RAB28: variants seen among roughly 807,000 people sequenced by gnomAD.
RAB28 encodes the protein RAB28, member RAS oncogene family.
A neutral mutation model predicts 31.7 loss-of-function variants in RAB28; 24 were observed. That is an observed-to-expected ratio of 0.76 (90% CI 0.55 to 1.06). RAB28 has a LOEUF of 1.06. Among genes scored for constraint, RAB28 ranks in the 50% least tolerant of loss-of-function variants. The probability of loss-of-function intolerance (pLI) is 0.00; values close to 1 mark genes in which losing one functional copy is unlikely to be tolerated. For synonymous variants in RAB28, 100 were observed against 90.4 expected, an observed-to-expected ratio of 1.11 and a Z score of -0.60; for missense variants, 254 against 258.5, an observed-to-expected ratio of 0.98 and a Z score of 0.12.
At chr4:13,422,578 G>T (rs560746947) in intron 4 of RAB28, among the ~76,000 whole-genome samples, 1 of 152,216 alleles carries the variant, frequency 6.6e-6, no homozygotes, top group African/African-American at 2.4e-5. Context: ...CCATAAAAAA[G>T]GATGAGTTCA....
In RAB28 at chr4:13,455,024, A is replaced by C. The variant is rs185843997; in HGVS notation, c.391+5675T>G. Among the ~76,000 whole-genome samples, 686 of 152,054 alleles carry C rather than the reference A, an allele frequency of 4.5e-3. 1 individual carries two copies. The highest frequency in any genetic ancestry group is 6.3e-3 in the Non-Finnish European group (426 of 67,966). ...GAATATTGATGGCTAGCCTAGGAGG[A>C]TATTTGGTAGGGGCAGCCCATGGGG... On this transcript the variant is annotated intron_variant, in intron 4 of 6. Transcript: ENST00000330852.
rs1238347422 is a variant in RAB28, at chr4:13,460,727, C to A, written c.363G>T (p.Gln121His). The change falls in exon 4 of 7, where the codon CAG becomes CAT. Residue 121 changes from glutamine (Q) to histidine (H), a missense_variant. Transcript: ENST00000330852. The part of the protein sequence containing the change: ...VKKVSEESET[Q>H]PLVALVGNKI... The stretch of plus-strand genomic sequence containing the variant: ...TATTGCCTACCAAGGCAACCAGTGG[C>A]TGAGTTTCTGACTCCTCGCTCACTT... 1 of 1,613,904 alleles carries A rather than the reference C, an allele frequency of 6.2e-7. No homozygotes were observed. The highest frequency in any genetic ancestry group is 8.5e-7 in the Non-Finnish European group (1 of 1,179,934).
chr4:13,446,035 T>C (rs1046939318), intron 4 of RAB28, among the ~76,000 whole-genome samples: 1 of 152,144 alleles, frequency 6.6e-6, no homozygotes, highest in Non-Finnish European at 1.5e-5. Flanking sequence ...AGCCCCTGAA[T>C]GGAGCTGCTG....
intron 4 of RAB28, among the ~76,000 whole-genome samples, chr4:13,436,924 G>A (rs1714149156): frequency 6.6e-6 from 1 of 151,788 alleles, no homozygotes; most frequent in Non-Finnish European, 1.5e-5. Context: ...TAAGCAAAAA[G>A]AACAACAAAA....
At chr4:13,394,917 G>A (rs1729805422) in intron 4 of RAB28, among the ~76,000 whole-genome samples, 3 of 152,138 alleles carry the variant, frequency 2.0e-5, no homozygotes, top group African/African-American at 7.2e-5. Context: ...ACCCTTTGGG[G>A]CCTCATAACA....
At chr4:13,386,852 C>T (rs1729391338) in intron 4 of RAB28, among the ~76,000 whole-genome samples, 2 of 152,076 alleles carry the variant, frequency 1.3e-5, no homozygotes, top group African/African-American at 4.8e-5. Flanking sequence ...AACCTAAATG[C>T]CTGTCATTGA....
chr4:13,463,652 T>C (rs1715706355), intron 3 of RAB28, among the ~76,000 whole-genome samples: 1 of 149,454 alleles, frequency 6.7e-6, no homozygotes, highest in African/African-American at 2.6e-5. Context: ...TCTTCCAGGA[T>C]TCACAAAAAA....
At chr4:13,389,010 G>A (rs748945680) in intron 4 of RAB28, among the ~76,000 whole-genome samples, 9 of 152,082 alleles carry the variant, frequency 5.9e-5, no homozygotes, top group East Asian at 1.9e-4. Flanking sequence ...GCACATCCAA[G>A]TTTACAACAG....
chr4:13,470,304 A>G lies in RAB28; in HGVS notation c.261+4014T>C, dbSNP rs532241580. On this transcript the variant is annotated intron_variant, in intron 3 of 6. Transcript: ENST00000330852. Reference sequence around the variant, plus strand: ...AGTATAACCCGTAAGAAACACTAACACAAAGAAAGTCTACAAACATAATCA... The same window carrying G: ...AGTATAACCCGTAAGAAACACTAACGCAAAGAAAGTCTACAAACATAATCA... Among the ~76,000 whole-genome samples the G allele has an allele frequency of 4.6e-5, 7 of 152,246 alleles. No homozygotes were observed. The East Asian group carries it at 1.2e-3, about 25-fold the overall frequency.
chr4:13,398,675 G>A (rs888810381), intron 4 of RAB28, among the ~76,000 whole-genome samples: 8 of 151,956 alleles, frequency 5.3e-5, no homozygotes, highest in Non-Finnish European at 1.0e-4. Flanking sequence ...CTACTCGGGA[G>A]GCTGAGGCAG....
intron 4 of RAB28, among the ~76,000 whole-genome samples, chr4:13,397,172 C>G (rs1173107423): frequency 6.6e-6 from 1 of 151,990 alleles, no homozygotes; most frequent in Non-Finnish European, 1.5e-5. Flanking sequence ...AGTTTCACAC[C>G]ACAATAAGAA....
intron 4 of RAB28, among the ~76,000 whole-genome samples, chr4:13,452,716 G>A (rs2108952938): frequency 6.6e-6 from 1 of 152,078 alleles, no homozygotes. Context: ...ATTTCCTGGT[G>A]CTGATGGAAA....
intron 1 of RAB28, among the ~76,000 whole-genome samples, chr4:13,482,605 T>TTA (rs1716658257): frequency 6.6e-6 from 1 of 152,104 alleles, no homozygotes; most frequent in South Asian, 2.1e-4. Flanking sequence ...AAACAATGAT[T>TTA]TATTTATAGC....
intron 4 of RAB28, among the ~76,000 whole-genome samples, chr4:13,415,888 G>A (rs536795876): frequency 3.9e-5 from 6 of 152,342 alleles, no homozygotes; most frequent in Middle Eastern, 3.4e-3. Context: ...CTAGCTAGGG[G>A]ATTGTAAATA....
At chr4:13,374,300 G>A (rs1286865372) in intron 6 of RAB28, among the ~76,000 whole-genome samples, 3 of 152,076 alleles carry the variant, frequency 2.0e-5, no homozygotes, top group Non-Finnish European at 4.4e-5. Context: ...GAACTATGTA[G>A]TTAACACATC....
At chr4:13,419,917 G>A (rs1447330700) in intron 4 of RAB28, among the ~76,000 whole-genome samples, 7 of 150,312 alleles carry the variant, frequency 4.7e-5, no homozygotes, top group African/African-American at 1.7e-4. Flanking sequence ...AGAACTGAAG[G>A]AAATAGAGAC....
chr4:13,465,019 C>A (rs1466601531), intron 3 of RAB28, among the ~76,000 whole-genome samples: 5 of 151,702 alleles, frequency 3.3e-5, no homozygotes, highest in Admixed American at 6.6e-5. Context: ...ATAAAGAATG[C>A]CATTGTTGGG....
intron 4 of RAB28, among the ~76,000 whole-genome samples, chr4:13,410,165 A>T (rs1287055155): frequency 6.6e-6 from 1 of 152,104 alleles, no homozygotes; most frequent in African/African-American, 2.4e-5. Context: ...CGGGACTTTG[A>T]GTCTATTAAA....
Position 13,472,860 on chromosome 4 carries a change from C to T in RAB28, c.261+1458G>A, listed in dbSNP as rs556071152. 5.4e-4 allele frequency among the ~76,000 whole-genome samples: 63 copies of T among 117,562 alleles called. No individual in the cohort carries two copies. The Middle Eastern group carries it at 0.031, about 58-fold the overall frequency. 77.1% of individuals were successfully genotyped at this position (117,562 alleles called of 152,430 possible). ...AAATAAATAAATAAAACAAAAAAGC[C>T]ATACACAAAATTCTGAGATGTACTT... On this transcript the variant is annotated intron_variant, in intron 3 of 6. Transcript: ENST00000330852.
Sources: gnomAD v4.1 joint callset for allele counts (sites outside exome capture counted in the v4.1 genomes callset) on GRCh38, gnomAD v4.1.1 for gene constraint, MANE v1.5 for transcripts, NCBI Gene and HGNC (gene_info 2026-07-23, HGNC 2026-07-21) for gene names.